Variants in MOB1B observed in about 807,000 individuals in gnomAD.
MOB1B encodes the protein MOB kinase activator 1B.
Under a neutral mutation model 24.4 loss-of-function variants are expected in MOB1B, and 19 were observed. The ratio of observed to expected loss-of-function variants is 0.78; its 90% CI spans 0.54 to 1.14. MOB1B has a LOEUF of 1.14. Ranked by LOEUF, MOB1B falls within the 50% of genes most tolerant of loss-of-function variation. The probability of loss-of-function intolerance (pLI) is 0.00; values close to 1 mark genes in which losing one functional copy is unlikely to be tolerated. For synonymous variants in MOB1B, 76 were observed against 82.1 expected, an observed-to-expected ratio of 0.93 and a Z score of 0.40; for missense variants, 243 against 259.6, an observed-to-expected ratio of 0.94 and a Z score of 0.44.
chr4:70,976,252 A>G, intron 4 of MOB1B: 10 of 984,172 alleles, frequency 1.0e-5, no homozygotes, highest in Non-Finnish European at 1.2e-5. Flanking sequence ...CAGAATGGAT[A>G]TTGAGTAGAT....
rs1036270082 is a variant in MOB1B at position 70,927,113 on chromosome 4, C to G, written c.14+24563C>G. ...TAATGGTTGTTTTAAACTCTCAGTT[C>G]CAAGTCCACTGGCTAATGATGGTTA... On this transcript the variant is annotated intron_variant, in intron 1 of 5. Coordinates refer to ENST00000309395, the MANE Select transcript of MOB1B (RefSeq NM_173468.4). 3.3e-5 allele frequency among the ~76,000 whole-genome samples: 5 copies of G among 152,262 alleles called. No individual in the cohort carries two copies. In the East Asian group the frequency reaches 7.7e-4, roughly 23 times the overall value.
chr4:70,933,362 CAG>C (rs1253337417), intron 1 of MOB1B, among the ~76,000 whole-genome samples: 1 of 152,022 alleles, frequency 6.6e-6, no homozygotes, highest in Non-Finnish European at 1.5e-5. Flanking sequence ...GTTTTAAAAA[CAG>C]AGCAGTTTAC....
At chr4:70,978,905 G>A (rs1739100595) in intron 4 of MOB1B, among the ~76,000 whole-genome samples, 1 of 152,104 alleles carries the variant, frequency 6.6e-6, no homozygotes, top group Non-Finnish European at 1.5e-5. Context: ...AGACATAACA[G>A]GCTGTAATGA....
chr4:70,958,895 T>G lies in MOB1B; in HGVS notation c.36T>G (p.Thr12=). 1 of 1,611,970 alleles carries G rather than the reference T, an allele frequency of 6.2e-7. No individual in the cohort carries two copies. Among genetic ancestry groups the G allele is most frequent in the Non-Finnish European group, 8.5e-7 (1 of 1,179,490 alleles). The change falls in exon 2 of 6, where the codon ACT becomes ACG. Residue 12 remains threonine (T), a synonymous_variant. Transcript: ENST00000309395. ...SFLFGSRSSK[T]FKPKKNIPEG... Reference sequence around the variant, plus strand: ...ATAGTGGTAGTCGCTCTTCTAAAACTTTTAAACCAAAGAAGAACATTCCAG... The same window carrying G: ...ATAGTGGTAGTCGCTCTTCTAAAACGTTTAAACCAAAGAAGAACATTCCAG...
intron 1 of MOB1B, among the ~76,000 whole-genome samples, chr4:70,927,193 T>C (rs374345798): frequency 6.6e-6 from 1 of 151,986 alleles, no homozygotes; most frequent in African/African-American, 2.4e-5. Flanking sequence ...CTTGGGTGTA[T>C]GTGTGAAATA....
intron 1 of MOB1B, chr4:70,942,796 G>A (rs998647248): frequency 2.2e-6 from 2 of 892,080 alleles, no homozygotes; most frequent in African/African-American, 3.6e-5. Context: ...ATTCCTGTAT[G>A]CAAAATATTG....
At chr4:70,932,581 C>T (rs929196175) in intron 1 of MOB1B, among the ~76,000 whole-genome samples, 3 of 152,120 alleles carry the variant, frequency 2.0e-5, no homozygotes, top group Non-Finnish European at 2.9e-5. Flanking sequence ...AAATAAGGTT[C>T]TAGAGAGGCT....
chr4:70,930,016 A>G (rs913046379), intron 1 of MOB1B, among the ~76,000 whole-genome samples: 13 of 152,032 alleles, frequency 8.6e-5, no homozygotes, highest in Non-Finnish European at 1.5e-5. Context: ...CAGCCTCCCA[A>G]AGTGTTGGAA....
chr4:70,936,425 G>T (rs1262733673), intron 1 of MOB1B, among the ~76,000 whole-genome samples: 1 of 152,132 alleles, frequency 6.6e-6, no homozygotes, highest in Non-Finnish European at 1.5e-5. Flanking sequence ...CACTAGGCTG[G>T]TCTTGAACTC....
At chr4:70,948,715 G>A (rs890234246) in intron 1 of MOB1B, among the ~76,000 whole-genome samples, 3 of 152,098 alleles carry the variant, frequency 2.0e-5, no homozygotes, top group African/African-American at 7.2e-5. Context: ...CTCAACTTGA[G>A]TGTTTGAGGA....
intron 1 of MOB1B, among the ~76,000 whole-genome samples, chr4:70,954,654 C>T (rs1737962234): frequency 6.6e-6 from 1 of 152,220 alleles, no homozygotes; most frequent in Admixed American, 6.5e-5. Context: ...TAGGGTTTCA[C>T]CATGTTGGGC....
At chr4:70,953,378 T>A (rs1444067188) in intron 1 of MOB1B, among the ~76,000 whole-genome samples, 1 of 152,186 alleles carries the variant, frequency 6.6e-6, no homozygotes, top group Non-Finnish European at 1.5e-5. Context: ...GAGTATTTTT[T>A]AAAAGTATTA....
chr4:70,914,254 G>T (rs778768196), intron 1 of MOB1B, among the ~76,000 whole-genome samples: 7 of 152,192 alleles, frequency 4.6e-5, no homozygotes, highest in African/African-American at 9.7e-5. Context: ...TATAAATTAT[G>T]CAGTCTGAGG....
chr4:70,940,807 G>A (rs1457960660), intron 1 of MOB1B, among the ~76,000 whole-genome samples: 2 of 151,724 alleles, frequency 1.3e-5, no homozygotes, highest in Non-Finnish European at 2.9e-5. Flanking sequence ...CTCCCGAGTA[G>A]CTGGGATTAC....
intron 4 of MOB1B, 147 bp downstream of exon 4, chr4:70,975,433 G>C (rs1738943706): frequency 2.2e-6 from 3 of 1,349,240 alleles, no homozygotes; most frequent in Non-Finnish European, 2.8e-6. Flanking sequence ...CCCAAGAAGA[G>C]GCACAAAAGT....
intron 2 of MOB1B, among the ~76,000 whole-genome samples, chr4:70,969,373 C>T (rs1323226426): frequency 6.6e-6 from 1 of 152,204 alleles, no homozygotes; most frequent in African/African-American, 2.4e-5. Context: ...TCAAGCGATT[C>T]TCCAGCCTTG....
chr4:70,969,013 G>C (rs1042962611), intron 2 of MOB1B, among the ~76,000 whole-genome samples: 3 of 152,162 alleles, frequency 2.0e-5, no homozygotes, highest in Non-Finnish European at 4.4e-5. Context: ...TGATGGCTAT[G>C]TCATAAATCA....
chr4:70,935,233 T>C (rs1227413088), intron 1 of MOB1B, among the ~76,000 whole-genome samples: 2 of 152,174 alleles, frequency 1.3e-5, no homozygotes, highest in South Asian at 2.1e-4. Flanking sequence ...GGCTACAGCC[T>C]ACATGGAGAT....
Position 70,975,191 on chromosome 4 carries a change from A to T in MOB1B, c.314A>T (p.Lys105Ile). Residue 105 changes from lysine to isoleucine, a missense_variant, in exon 4 of 6, where the codon AAA (lysine) becomes ATA (isoleucine). By Grantham distance (102) the Lys-to-Ile change is moderately radical. Coordinates refer to ENST00000309395, the MANE Select transcript of MOB1B (RefSeq NM_173468.4). ...TGGGCAGATGGAACGAACATAAAGA[A>T]ACCTATTAAGTGCTCTGCACCAAAG... is the stretch of plus-strand genomic sequence containing the variant. ...YHWADGTNIK[K>I]PIKCSAPKYI... 2 of 1,610,426 alleles carry T rather than the reference A, an allele frequency of 1.2e-6. No homozygotes were observed. The highest frequency in any genetic ancestry group is 1.7e-6 in the Non-Finnish European group (2 of 1,178,868).
Sources: gnomAD v4.1 joint callset for allele counts (sites outside exome capture counted in the v4.1 genomes callset) on GRCh38, gnomAD v4.1.1 for gene constraint, MANE v1.5 for transcripts, NCBI Gene and HGNC (gene_info 2026-07-23, HGNC 2026-07-21) for gene names.